SGCZ: variants seen among roughly 807,000 people sequenced by gnomAD.
SGCZ encodes the protein zeta-sarcoglycan.
Under a neutral mutation model 41.3 loss-of-function variants are expected in SGCZ, and 40 were observed. The ratio of observed to expected loss-of-function variants is 0.97; its 90% CI spans 0.75 to 1.26. The LOEUF is 1.26. Ranked by LOEUF, SGCZ falls within the 50% of genes most tolerant of loss-of-function variation. The pLI, the probability that SGCZ is intolerant of heterozygous loss-of-function variation, is 0.00. For missense variants in SGCZ, 552 were observed against 369.8 expected, an observed-to-expected ratio of 1.49 and a Z score of -4.04; for synonymous variants, 206 against 137.5, an observed-to-expected ratio of 1.50 and a Z score of -3.49.
At chr8:15,090,774 A>G (rs990299207) in intron 1 of SGCZ, among the ~76,000 whole-genome samples, 3 of 152,150 alleles carry the variant, frequency 2.0e-5, no homozygotes, top group East Asian at 3.9e-4. Context: ...ACCATCTCTT[A>G]TCATTTTTGT....
intron 2 of SGCZ, among the ~76,000 whole-genome samples, chr8:14,521,290 A>C (rs1802780986): frequency 6.6e-6 from 1 of 152,144 alleles, no homozygotes; most frequent in Non-Finnish European, 1.5e-5. Context: ...AAATGTTAAT[A>C]ATTCAAATCA....
In SGCZ at chr8:15,166,449, C is replaced by T. The variant is rs181596192; in HGVS notation, c.39+71136G>A. The stretch of plus-strand genomic sequence containing the variant: ...TTTTTTAGTAGAGATGGGGTTTCAC[C>T]GTGTTAGCCAGGATGGTCTCCATCT... On this transcript the variant is annotated intron_variant, in intron 1 of 7. Coordinates refer to ENST00000382080, the MANE Select transcript of SGCZ (RefSeq NM_139167.4). Among the ~76,000 whole-genome samples the T allele has an allele frequency of 5.5e-4, 83 of 151,958 alleles. 1 individual carries two copies. The East Asian group carries it at 0.015, about 28-fold the overall frequency.
intron 1 of SGCZ, among the ~76,000 whole-genome samples, chr8:14,738,727 T>C (rs1473414082): frequency 6.6e-6 from 1 of 152,102 alleles, no homozygotes; most frequent in Admixed American, 6.6e-5. Context: ...CATACAATGG[T>C]AGGTCATGAA....
At chr8:14,741,849 A>G (rs983946798) in intron 1 of SGCZ, among the ~76,000 whole-genome samples, 2 of 152,068 alleles carry the variant, frequency 1.3e-5, no homozygotes, top group Non-Finnish European at 2.9e-5. Context: ...GAAGTAGAAC[A>G]GTATCAATAT....
At chr8:14,456,469 A>T (rs1585538995) in intron 2 of SGCZ, among the ~76,000 whole-genome samples, 1 of 152,196 alleles carries the variant, frequency 6.6e-6, no homozygotes, top group African/African-American at 2.4e-5. Flanking sequence ...TGTAGATCAT[A>T]TAATACTAAT....
At chr8:15,210,599 C>T (rs577727492) in intron 1 of SGCZ, among the ~76,000 whole-genome samples, 1 of 152,290 alleles carries the variant, frequency 6.6e-6, no homozygotes, top group South Asian at 2.1e-4. Context: ...CACTCCCTGT[C>T]CTCTAGACCC....
intron 1 of SGCZ, among the ~76,000 whole-genome samples, chr8:14,960,528 T>C (rs953496962): frequency 4.6e-5 from 7 of 152,140 alleles, no homozygotes; most frequent in African/African-American, 1.4e-4. Context: ...CTGAAGAACA[T>C]AATCTTCATT....
rs539737966 is a variant in SGCZ at position 14,325,875 on chromosome 8, C to A, written c.235-1671G>T. The stretch of plus-strand genomic sequence containing the variant: ...CCTGTAAAATCCCAGTACTTCGGAA[C>A]GTAGAGGCGGGCGGATCACGACGTC... On this transcript the variant is annotated intron_variant, in intron 2 of 7. Transcript: ENST00000382080. 2.7e-5 allele frequency among the ~76,000 whole-genome samples: 4 copies of A among 146,422 alleles called. No individual in the cohort carries two copies. The East Asian group carries it at 8.1e-4, about 29-fold the overall frequency.
intron 1 of SGCZ, among the ~76,000 whole-genome samples, chr8:15,195,116 A>G (rs1406120748): frequency 6.6e-6 from 1 of 152,196 alleles, no homozygotes; most frequent in Non-Finnish European, 1.5e-5. Flanking sequence ...ATGAACCAAT[A>G]AGAACATTTA....
At chr8:15,221,780 G>C (rs1801612173) in intron 1 of SGCZ, among the ~76,000 whole-genome samples, 1 of 152,092 alleles carries the variant, frequency 6.6e-6, no homozygotes, top group South Asian at 2.1e-4. Context: ...ACAAGTAACT[G>C]ATTGTCCAGG....
chr8:14,220,626 A>T (rs1397624779), intron 4 of SGCZ, among the ~76,000 whole-genome samples: 3 of 152,140 alleles, frequency 2.0e-5, no homozygotes, highest in Admixed American at 6.5e-5. Flanking sequence ...CTAAAAAAAA[A>T]TAATACAAAA....
At chr8:14,580,642 T>C (rs1804857360) in intron 1 of SGCZ, among the ~76,000 whole-genome samples, 1 of 152,222 alleles carries the variant, frequency 6.6e-6, no homozygotes, top group Admixed American at 6.5e-5. Context: ...GTTATCTTTA[T>C]CAATACATGG....
chr8:14,459,209 T>G lies in SGCZ; in HGVS notation c.234+95523A>C, dbSNP rs574713602. 1.3e-5 allele frequency among the ~76,000 whole-genome samples: 2 copies of G among 151,926 alleles called. 1 individual carries two copies. Among genetic ancestry groups the G allele is most frequent in the Admixed American group, 1.3e-4 (2 of 15,236 alleles). On this transcript the variant is annotated intron_variant, in intron 2 of 7. Transcript: ENST00000382080. ...GCATGTTTTCACTCATAGGTGGGAA[T>G]TGAACAATGAGAACACTTGGACACA...
intron 2 of SGCZ, among the ~76,000 whole-genome samples, chr8:14,353,054 G>A (rs1253202541): frequency 6.6e-6 from 1 of 151,906 alleles, no homozygotes; most frequent in Admixed American, 6.6e-5. Context: ...AAAATTAGAA[G>A]AGAATTATGT....
intron 4 of SGCZ, among the ~76,000 whole-genome samples, chr8:14,187,512 C>T (rs7002511): frequency 0.99 from 151,421 of 152,260 alleles, 75,299 homozygotes; most frequent in East Asian, 1. Context: ...AGAATATCAA[C>T]AAAGATATAG....
chr8:14,129,484 TGAAA>T lies in SGCZ; in HGVS notation c.548-21253_548-21250del, dbSNP rs532220010. Among the ~76,000 whole-genome samples, 48 of 147,074 alleles carry T rather than the reference TGAAA, an allele frequency of 3.3e-4. 2 individuals carry two copies. The South Asian group carries it at 9.2e-3, about 28-fold the overall frequency. Reference sequence around the variant, plus strand: ...CAATAGCCTCTTAACCAATGGGTAATGAAAGAAACCATAACACATTTAAAAAGAG... The same window carrying T: ...CAATAGCCTCTTAACCAATGGGTAATGAAACCATAACACATTTAAAAAGAG... On this transcript the variant is annotated intron_variant, in intron 5 of 7. Coordinates refer to ENST00000382080, the MANE Select transcript of SGCZ (RefSeq NM_139167.4).
intron 2 of SGCZ, among the ~76,000 whole-genome samples, chr8:14,511,320 G>A (rs1340542209): frequency 3.3e-5 from 5 of 151,788 alleles, no homozygotes; most frequent in Admixed American, 6.6e-5. Context: ...CTATGGCTAC[G>A]TTTTATGGAT....
chr8:14,508,871 C>T (rs563738635), intron 2 of SGCZ, among the ~76,000 whole-genome samples: 4 of 151,980 alleles, frequency 2.6e-5, no homozygotes, highest in Non-Finnish European at 5.9e-5. Flanking sequence ...TTTTTGGGTG[C>T]TTAAGTGAAA....
chr8:14,596,565 G>A (rs1005681903), intron 1 of SGCZ, among the ~76,000 whole-genome samples: 1 of 151,936 alleles, frequency 6.6e-6, no homozygotes, highest in Non-Finnish European at 1.5e-5. Flanking sequence ...TTTGCTCTGT[G>A]AATTGAACCA....
Sources: gnomAD v4.1 joint callset for allele counts (sites outside exome capture counted in the v4.1 genomes callset) on GRCh38, gnomAD v4.1.1 for gene constraint, MANE v1.5 for transcripts, NCBI Gene and HGNC (gene_info 2026-07-23, HGNC 2026-07-21) for gene names.